The following NTM variants were observed in gnomAD, a reference collection of about 807,000 sequenced individuals.
NTM encodes the protein IgLON family member 2.
In NTM, 13 loss-of-function variants were observed where a neutral mutation model predicts 42.1. The observed-to-expected ratio is 0.31, with a 90% CI of 0.20 to 0.49. The LOEUF is 0.49. Ranked by LOEUF, NTM falls within the 20% of genes least tolerant of loss-of-function variation. NTM has a pLI of 0.99. For synonymous variants in NTM, 187 were observed against 179.2 expected (o/e 1.04, Z -0.35); for missense variants, 373 against 452.8 (o/e 0.82, Z 1.60).
intron 1 of NTM, among the ~76,000 whole-genome samples, chr11:131,459,950 T>C (rs1250597098): frequency 6.6e-6 from 1 of 152,034 alleles, no homozygotes; most frequent in African/African-American, 2.4e-5. Flanking sequence ...TTTAAAAAAA[T>C]AAAACAATTG....
At chr11:132,089,928 T>A (rs1226463736) in intron 2 of NTM, among the ~76,000 whole-genome samples, 2 of 152,226 alleles carry the variant, frequency 1.3e-5, no homozygotes, top group African/African-American at 2.4e-5. Flanking sequence ...AGGTTTTTTT[T>A]ATAATAAGTA....
At chr11:131,611,013 A>G (rs1217545806) in intron 1 of NTM, among the ~76,000 whole-genome samples, 1 of 152,176 alleles carries the variant, frequency 6.6e-6, no homozygotes, top group Admixed American at 6.5e-5. Flanking sequence ...TGATGTAAAT[A>G]ATGGGATGGG....
chr11:131,636,389 A>G (rs990758123), intron 1 of NTM, among the ~76,000 whole-genome samples: 2 of 152,220 alleles, frequency 1.3e-5, no homozygotes, highest in African/African-American at 4.8e-5. Flanking sequence ...ACTCAGGCCC[A>G]GCGTTCCTCC....
intron 1 of NTM, among the ~76,000 whole-genome samples, chr11:131,486,834 TTC>T (rs1229801797): frequency 1.3e-5 from 2 of 152,196 alleles, no homozygotes; most frequent in Non-Finnish European, 2.9e-5. Flanking sequence ...CTCTCAAAGA[TTC>T]TTTTTCCTGC....
At chr11:131,691,103 C>T (rs2074621324) in intron 1 of NTM, among the ~76,000 whole-genome samples, 1 of 152,278 alleles carries the variant, frequency 6.6e-6, no homozygotes, top group East Asian at 1.9e-4. Context: ...ACTCTGGAGC[C>T]GGGGAGCCCT....
chr11:131,649,680 G>A (rs915178764), intron 1 of NTM, among the ~76,000 whole-genome samples: 3 of 152,050 alleles, frequency 2.0e-5, no homozygotes, highest in African/African-American at 4.8e-5. Flanking sequence ...GGGGGGAGGC[G>A]GTGCATGTAG....
intron 2 of NTM, among the ~76,000 whole-genome samples, chr11:132,055,260 C>G (rs1205146525): frequency 1.3e-5 from 2 of 152,136 alleles, no homozygotes; most frequent in Non-Finnish European, 2.9e-5. Context: ...GGTGCTCACC[C>G]CACTCACCTC....
intron 1 of NTM, among the ~76,000 whole-genome samples, chr11:131,479,221 A>T (rs1226346105): frequency 6.6e-6 from 1 of 152,234 alleles, no homozygotes; most frequent in Non-Finnish European, 1.5e-5. Flanking sequence ...TTGGAGACAG[A>T]GAAAAATGTA....
At position 132,278,243 on chromosome 11, in the gene NTM, A is replaced by G. The variant is rs182906134; in HGVS notation, c.527-29446A>G. Among the ~76,000 whole-genome samples, 4 of 152,324 alleles carry G rather than the reference A, an allele frequency of 2.6e-5. No individual in the cohort carries two copies. The East Asian group carries it at 7.7e-4, about 29-fold the overall frequency. ...CCCCCAAGCTTTGCTGTGTAAACCAATCATTGTATTATGCTCTCAGATACT... is the reference window on the plus strand; with the variant it reads ...CCCCCAAGCTTTGCTGTGTAAACCAGTCATTGTATTATGCTCTCAGATACT... On this transcript the variant is annotated intron_variant, in intron 4 of 8. Coordinates refer to ENST00000683400, the MANE Select transcript of NTM (RefSeq NM_001352005.2).
chr11:131,588,957 G>C (rs995552293), intron 1 of NTM, among the ~76,000 whole-genome samples: 1 of 152,222 alleles, frequency 6.6e-6, no homozygotes, highest in Non-Finnish European at 1.5e-5. Context: ...CATGCAATGT[G>C]AAAGTGGAGG....
At chr11:131,566,410 TGTGTGTGTGTGTCTCGATGTGC>T (rs1164148587) in intron 1 of NTM, among the ~76,000 whole-genome samples, 2 of 144,374 alleles carry the variant, frequency 1.4e-5, no homozygotes, top group Non-Finnish European at 3.0e-5. Context: ...CTGGTGCATG[TGTGTGTGTGTGTCTCGATGTGC>T]GTGTGTGTGT....
chr11:132,209,621 T>C (rs564842910), intron 3 of NTM, among the ~76,000 whole-genome samples: 1 of 152,324 alleles, frequency 6.6e-6, no homozygotes, highest in South Asian at 2.1e-4. Flanking sequence ...ACATGTTACA[T>C]AAAAGTTTAC....
intron 2 of NTM, among the ~76,000 whole-genome samples, chr11:132,016,614 A>C (rs553887848): frequency 9.1e-4 from 138 of 152,082 alleles, no homozygotes; most frequent in Admixed American, 1.9e-3. Flanking sequence ...ATTCACCTAC[A>C]TGTCTTTATG....
chr11:132,131,286 C>T (rs2066771976), intron 2 of NTM, among the ~76,000 whole-genome samples: 3 of 152,164 alleles, frequency 2.0e-5, no homozygotes, highest in Non-Finnish European at 4.4e-5. Context: ...CAGCTATTGT[C>T]TCAGAGACAC....
intron 7 of NTM, among the ~76,000 whole-genome samples, chr11:132,327,072 A>G (rs1311337400): frequency 6.6e-6 from 1 of 152,214 alleles, no homozygotes; most frequent in East Asian, 1.9e-4. Context: ...CCTTCTGCAA[A>G]CAAAACAGAT....
chr11:132,091,606 G>A lies in NTM; in HGVS notation c.168-54676G>A, dbSNP rs537792164. Among the ~76,000 whole-genome samples the A allele has an allele frequency of 1.1e-4, 17 of 151,474 alleles. 1 individual carries two copies. The highest frequency in any genetic ancestry group is 3.9e-4 in the African/African-American group (16 of 41,292). On this transcript the variant is annotated intron_variant, in intron 2 of 8. Coordinates refer to ENST00000683400, the MANE Select transcript of NTM (RefSeq NM_001352005.2). ...AGCAATCCTCCCACCTCAGCCTCCC[G>A]AGTAGCTGGGGCAACAGACCTACAC... is the stretch of plus-strand genomic sequence containing the variant.
chr11:132,063,319 A>G (rs930199828), intron 2 of NTM, among the ~76,000 whole-genome samples: 9 of 152,210 alleles, frequency 5.9e-5, no homozygotes, highest in African/African-American at 2.2e-4. Flanking sequence ...GGCAGTAGGA[A>G]TAGCAAAGTC....
At chr11:132,107,164 G>A (rs1355104175) in intron 2 of NTM, among the ~76,000 whole-genome samples, 2 of 151,926 alleles carry the variant, frequency 1.3e-5, no homozygotes, top group African/African-American at 2.4e-5. Flanking sequence ...AAAGAAAGAC[G>A]CAGAGGCATT....
chr11:132,130,122 C>T lies in NTM; in HGVS notation c.168-16160C>T, dbSNP rs1028794631. Among the ~76,000 whole-genome samples, 3 of 152,272 alleles carry T rather than the reference C, an allele frequency of 2.0e-5. No homozygotes were observed. In the East Asian group the frequency reaches 5.8e-4, roughly 29 times the overall value. ...GATTTGTTTTCACAGTAAATATTCT[C>T]AGAAGGAGAAGGGAACCTAGTCTGA... is the stretch of plus-strand genomic sequence containing the variant. On this transcript the variant is annotated intron_variant, in intron 2 of 8. Transcript: ENST00000683400.
Sources: gnomAD v4.1 joint callset for allele counts (sites outside exome capture counted in the v4.1 genomes callset) on GRCh38, gnomAD v4.1.1 for gene constraint, MANE v1.5 for transcripts, NCBI Gene and HGNC (gene_info 2026-07-23, HGNC 2026-07-21) for gene names.